TCERG1L: variants seen among roughly 807,000 people sequenced by gnomAD.
TCERG1L encodes transcription elongation regulator 1-like protein.
In TCERG1L, 37 loss-of-function variants were observed where a neutral mutation model predicts 56.3. That is an observed-to-expected ratio of 0.66 (90% CI 0.51 to 0.87). The LOEUF is 0.87. Ranked by LOEUF, TCERG1L falls within the 40% of genes least tolerant of loss-of-function variation. The pLI, the probability that TCERG1L is intolerant of heterozygous loss-of-function variation, is 0.00. For synonymous variants in TCERG1L, 324 were observed against 326.3 expected (o/e 0.99, Z 0.08); for missense variants, 799 against 774.2 (o/e 1.03, Z -0.38).
At chr10:131,308,869 G>A (rs1180391341) in intron 2 of TCERG1L, among the ~76,000 whole-genome samples, 1 of 151,946 alleles carries the variant, frequency 6.6e-6, no homozygotes, top group South Asian at 2.1e-4. Context: ...TTTGATCAAT[G>A]GATACAAATT....
chr10:131,294,987 C>G (rs577786980), intron 3 of TCERG1L, among the ~76,000 whole-genome samples: 6 of 152,022 alleles, frequency 3.9e-5, no homozygotes, highest in African/African-American at 1.2e-4. Flanking sequence ...TTGTCAAAAC[C>G]CTTGTCCCAC....
In TCERG1L at chr10:131,172,602, C is replaced by G. The variant is rs528790106; in HGVS notation, c.857-5717G>C. On this transcript the variant is annotated intron_variant, in intron 4 of 11. Transcript: ENST00000368642. ...CCATATCACGCGTGCTCCACGCGCG[C>G]TGGCTCCGCTCGCAGCTGGGAGCAG... 3.3e-5 allele frequency among the ~76,000 whole-genome samples: 5 copies of G among 152,368 alleles called. No individual in the cohort carries two copies. The South Asian group carries it at 1.0e-3, about 32-fold the overall frequency.
At chr10:131,194,395 C>A (rs1022307842) in intron 4 of TCERG1L, among the ~76,000 whole-genome samples, 2 of 152,196 alleles carry the variant, frequency 1.3e-5, no homozygotes, top group Non-Finnish European at 2.9e-5. Context: ...CCTATTCATG[C>A]CTAGTGCCTA....
chr10:131,207,675 C>T (rs1845555805), intron 4 of TCERG1L, among the ~76,000 whole-genome samples: 1 of 152,212 alleles, frequency 6.6e-6, no homozygotes, highest in Non-Finnish European at 1.5e-5. Context: ...TGTCCGCTTC[C>T]TGTGAGGACA....
At chr10:131,261,947 GAGA>G (rs1414093882) in intron 3 of TCERG1L, among the ~76,000 whole-genome samples, 4 of 152,238 alleles carry the variant, frequency 2.6e-5, no homozygotes, top group South Asian at 4.1e-4. Context: ...CTGACCCCTA[GAGA>G]AGAAGCAGGC....
Position 131,282,138 on chromosome 10 carries a change from A to G in TCERG1L, c.671-21694T>C, listed in dbSNP as rs1038765879. Among the ~76,000 whole-genome samples the G allele has an allele frequency of 4.7e-4, 14 of 30,070 alleles. 1 individual carries two copies. The South Asian group carries it at 0.015, about 31-fold the overall frequency. The allele number at this position is 30,070 out of a possible 152,430, so 19.7% of individuals were successfully genotyped here. On this transcript the variant is annotated intron_variant, in intron 3 of 11. Coordinates refer to ENST00000368642, the MANE Select transcript of TCERG1L (RefSeq NM_174937.4). ...GCGAAAGAGCAAGACTCCATCTCAG[A>G]AAAAAAAAAAAAAAAAAAAAAAAGA...
At chr10:131,279,975 A>AC (rs1846433704) in intron 3 of TCERG1L, among the ~76,000 whole-genome samples, 1 of 152,136 alleles carries the variant, frequency 6.6e-6, no homozygotes, top group Non-Finnish European at 1.5e-5. Context: ...GAGCCAGCCT[A>AC]CACCCTTTCG....
intron 4 of TCERG1L, among the ~76,000 whole-genome samples, chr10:131,207,050 A>T (rs941557264): frequency 2.0e-5 from 3 of 152,202 alleles, no homozygotes; most frequent in Non-Finnish European, 2.9e-5. Context: ...TGGAATCAGA[A>T]AGTGCTTTGT....
intron 3 of TCERG1L, among the ~76,000 whole-genome samples, chr10:131,261,874 A>G (rs1846239740): frequency 1.3e-5 from 2 of 152,170 alleles, no homozygotes; most frequent in Non-Finnish European, 2.9e-5. Context: ...GGTGGCCAGG[A>G]AAGTCCTCAC....
At position 131,291,401 on chromosome 10, in the gene TCERG1L, C is replaced by CTTTTTTTTTTTTTTTTTTTTTTTTTTTTT. The variant is rs71009957; in HGVS notation, c.670+16781_670+16809dup. On this transcript the variant is annotated intron_variant, in intron 3 of 11. Coordinates refer to ENST00000368642, the MANE Select transcript of TCERG1L (RefSeq NM_174937.4). ...TGTGTATATTCCATAAACAGCATTT[C>CTTTTTTTTTTTTTTTTTTTTTTTTTTTTT]TTTTTTTTTTTTTTTTTTTTTTTTT... Among the ~76,000 whole-genome samples the CTTTTTTTTTTTTTTTTTTTTTTTTTTTTT allele has an allele frequency of 1.4e-4, 5 of 36,566 alleles. 2 individuals are homozygous for CTTTTTTTTTTTTTTTTTTTTTTTTTTTTT. Among genetic ancestry groups the CTTTTTTTTTTTTTTTTTTTTTTTTTTTTT allele is most frequent in the East Asian group, 1.1e-3 (1 of 908 alleles). 24.0% of individuals were successfully genotyped at this position (36,566 alleles called of 152,430 possible).
rs972209021 is a variant in TCERG1L, at chr10:131,216,256, G to T, written c.856+44003C>A. ...AGAGAGGAGGTGGAGAGAGAAGTGG[G>T]TCAGGTGTAAGACAATATGGAAGGG... On this transcript the variant is annotated intron_variant, in intron 4 of 11. Transcript: ENST00000368642. Among the ~76,000 whole-genome samples the T allele has an allele frequency of 2.0e-5, 3 of 152,164 alleles. No individual in the cohort carries two copies. In the East Asian group the frequency reaches 5.8e-4, roughly 29 times the overall value.
At chr10:131,281,296 G>A (rs1356901360) in intron 3 of TCERG1L, among the ~76,000 whole-genome samples, 1 of 152,066 alleles carries the variant, frequency 6.6e-6, no homozygotes, top group African/African-American at 2.4e-5. Context: ...TGCCCTGCAC[G>A]CCCTGTGCTG....
chr10:131,096,391 A>C (rs1845246474), intron 11 of TCERG1L, among the ~76,000 whole-genome samples: 1 of 152,218 alleles, frequency 6.6e-6, no homozygotes, highest in African/African-American at 2.4e-5. Flanking sequence ...GCAACAGGAC[A>C]CACATTTCCT....
intron 4 of TCERG1L, among the ~76,000 whole-genome samples, chr10:131,229,617 T>C (rs971939242): frequency 6.6e-6 from 1 of 152,166 alleles, no homozygotes; most frequent in East Asian, 1.9e-4. Flanking sequence ...AGGAGGTAGA[T>C]GAAACCCCAA....
chr10:131,222,141 C>A (rs1348320797), intron 4 of TCERG1L, among the ~76,000 whole-genome samples: 1 of 152,332 alleles, frequency 6.6e-6, no homozygotes, highest in South Asian at 2.1e-4. Context: ...TATGAAATGG[C>A]CTTAGGAGTT....
At chr10:131,093,339 T>G (rs768555972) in intron 11 of TCERG1L, 21 bp from the exon 12 acceptor site, 41 of 1,611,234 alleles carry the variant, frequency 2.5e-5, no homozygotes, top group Non-Finnish European at 3.4e-5. Context: ...AAGAGTTTCC[T>G]GAGACACCTT....
At chr10:131,289,305 C>T (rs1288144480) in intron 3 of TCERG1L, among the ~76,000 whole-genome samples, 2 of 151,370 alleles carry the variant, frequency 1.3e-5, no homozygotes, top group Admixed American at 6.6e-5. Context: ...AAAAAAGATG[C>T]ATTTTCATAT....
At chr10:131,149,681 G>A (rs10829921) in intron 6 of TCERG1L, among the ~76,000 whole-genome samples, 30,770 of 152,164 alleles carry the variant, frequency 0.2, 3,489 homozygotes, top group East Asian at 0.35. Context: ...AGCTCCCCAC[G>A]AGGCCTGGGC....
chr10:131,177,307 C>T (rs564050919), intron 4 of TCERG1L, among the ~76,000 whole-genome samples: 2 of 152,360 alleles, frequency 1.3e-5, no homozygotes, highest in South Asian at 4.1e-4. Flanking sequence ...CTGATGATGG[C>T]TTTTCGGCCA....
Sources: allele counts gnomAD v4.1 joint callset (sites outside exome capture counted in the v4.1 genomes callset), GRCh38; gene constraint gnomAD v4.1.1; transcripts MANE v1.5; gene names NCBI Gene and HGNC (gene_info 2026-07-23, HGNC 2026-07-21).